The following PUM1 variants were observed in gnomAD, a reference collection of about 807,000 sequenced individuals.
PUM1 encodes the protein pumilio RNA binding family member 1, also known as pumilio homolog 1.
In PUM1, 13 loss-of-function variants were observed where a neutral mutation model predicts 131.8. The ratio of observed to expected loss-of-function variants is 0.10; its 90% CI spans 0.06 to 0.16. The LOEUF is 0.16. Ranked by LOEUF, PUM1 falls within the 10% of genes least tolerant of loss-of-function variation. PUM1 has a pLI of 1.00. For synonymous variants in PUM1, 509 were observed against 556.5 expected, an observed-to-expected ratio of 0.91 and a Z score of 1.20; for missense variants, 961 against 1,512.4, an observed-to-expected ratio of 0.64 and a Z score of 6.05.
chr1:31,061,341 G>A (rs1044931940), intron 1 of PUM1, among the ~76,000 whole-genome samples: 1 of 152,166 alleles, frequency 6.6e-6, no homozygotes, highest in Admixed American at 6.5e-5. Context: ...ATGGAGGTTG[G>A]GCACGGTGGC....
At chr1:30,949,249 A>G in intron 17 of PUM1, 1 of 360,814 alleles carries the variant, frequency 2.8e-6, no homozygotes, top group Non-Finnish European at 5.4e-6. Flanking sequence ...GTGAGTTCAG[A>G]GCCCAAAAGC....
At chr1:30,946,141 T>C (rs1215810415) in intron 17 of PUM1, among the ~76,000 whole-genome samples, 1 of 152,092 alleles carries the variant, frequency 6.6e-6, no homozygotes, top group Non-Finnish European at 1.5e-5. Context: ...CAAAGAAGCC[T>C]ACATCAGGAA....
intron 2 of PUM1, among the ~76,000 whole-genome samples, chr1:31,047,298 A>G (rs1223805331): frequency 6.6e-6 from 1 of 152,218 alleles, no homozygotes; most frequent in East Asian, 1.9e-4. Context: ...CCAGAAGTCA[A>G]AGAAACTGAA....
At chr1:30,956,051 G>C (rs1029576392) in intron 14 of PUM1, among the ~76,000 whole-genome samples, 2 of 152,196 alleles carry the variant, frequency 1.3e-5, no homozygotes, top group Non-Finnish European at 2.9e-5. Context: ...GTCATGGCCA[G>C]AATTCAGAAC....
At chr1:31,002,860 A>G (rs1447378233) in intron 5 of PUM1, among the ~76,000 whole-genome samples, 1 of 152,186 alleles carries the variant, frequency 6.6e-6, no homozygotes, top group Non-Finnish European at 1.5e-5. Flanking sequence ...AAACCACTAA[A>G]CTGAGACCAT....
chr1:30,999,308 T>TA (rs946429619), intron 5 of PUM1, among the ~76,000 whole-genome samples: 7 of 152,110 alleles, frequency 4.6e-5, no homozygotes, highest in South Asian at 2.1e-4. Flanking sequence ...CCCAGTCTTT[T>TA]AAAAAAATAC....
chr1:31,039,892 G>C (rs934013098), intron 2 of PUM1, among the ~76,000 whole-genome samples: 2 of 151,060 alleles, frequency 1.3e-5, no homozygotes, highest in Non-Finnish European at 2.9e-5. Context: ...GGGAGACAGA[G>C]CAAGACTCTA....
At chr1:30,990,007 T>G (rs1030708211) in intron 7 of PUM1, among the ~76,000 whole-genome samples, 4 of 152,224 alleles carry the variant, frequency 2.6e-5, no homozygotes, top group Non-Finnish European at 5.9e-5. Context: ...AAGAAGTAAC[T>G]TTCCTGGATA....
intron 9 of PUM1, among the ~76,000 whole-genome samples, chr1:30,978,522 T>TA (rs1356037541): frequency 1.3e-5 from 2 of 152,208 alleles, no homozygotes; most frequent in East Asian, 3.8e-4. Context: ...AACAATTTTT[T>TA]AAAAAATCTA....
chr1:31,033,721 G>T (rs1238103199), intron 2 of PUM1, among the ~76,000 whole-genome samples: 1 of 151,896 alleles, frequency 6.6e-6, no homozygotes, highest in Non-Finnish European at 1.5e-5. Flanking sequence ...GAATGCAGTG[G>T]CGCAATCACA....
intron 7 of PUM1, among the ~76,000 whole-genome samples, chr1:30,983,633 CTCTG>C (rs1166020243): frequency 6.6e-6 from 1 of 152,136 alleles, no homozygotes; most frequent in Non-Finnish European, 1.5e-5. Flanking sequence ...CGGAGTCTTA[CTCTG>C]TCTGTCACCC....
intron 14 of PUM1, among the ~76,000 whole-genome samples, chr1:30,954,762 C>T (rs949743894): frequency 6.6e-6 from 1 of 151,920 alleles, no homozygotes; most frequent in Non-Finnish European, 1.5e-5. Flanking sequence ...GACCAAAAGG[C>T]GTATCAAAAC....
intron 1 of PUM1, among the ~76,000 whole-genome samples, chr1:31,062,878 T>C (rs915552749): frequency 2.0e-5 from 3 of 152,200 alleles, no homozygotes; most frequent in African/African-American, 7.2e-5. Context: ...GAAGCCAGCC[T>C]AAGAAGACAC....
At chr1:31,024,654 G>T (rs1418314795) in intron 3 of PUM1, among the ~76,000 whole-genome samples, 1 of 152,062 alleles carries the variant, frequency 6.6e-6, no homozygotes, top group Non-Finnish European at 1.5e-5. Flanking sequence ...AAACATTAAA[G>T]AATCTTAAGG....
At chr1:30,933,389 G>A in intron 21 of PUM1, 47 bp from the exon 22 acceptor site, 1 of 1,581,576 alleles carries the variant, frequency 6.3e-7, no homozygotes, top group East Asian at 2.3e-5. Context: ...GATGAGACTT[G>A]GGGGCAGGCT....
chr1:30,984,282 T>C (rs917484526), intron 7 of PUM1, among the ~76,000 whole-genome samples: 5 of 152,226 alleles, frequency 3.3e-5, no homozygotes, highest in Non-Finnish European at 7.3e-5. Context: ...ATTCTCTTTA[T>C]GTAAATGGTG....
chr1:30,937,583 T>G (rs1639263887), intron 20 of PUM1, among the ~76,000 whole-genome samples: 1 of 151,524 alleles, frequency 6.6e-6, no homozygotes, highest in Non-Finnish European at 1.5e-5. Context: ...ATGCCTGGCC[T>G]CAAATAAGTA....
At chr1:31,053,810 G>A (rs1044910569) in intron 2 of PUM1, among the ~76,000 whole-genome samples, 23 of 151,652 alleles carry the variant, frequency 1.5e-4, no homozygotes, top group African/African-American at 4.8e-4. Context: ...AAGTATACAA[G>A]TGGCCCAGGA....
intron 20 of PUM1, 47 bp from the exon 21 acceptor site, chr1:30,936,882 G>A (rs1280613328): frequency 1.7e-6 from 2 of 1,207,050 alleles, no homozygotes; most frequent in Admixed American, 2.4e-5. Flanking sequence ...AGAGGCCCCT[G>A]TTAGTGAGGC....
Sources: gnomAD v4.1 joint callset for allele counts (sites outside exome capture counted in the v4.1 genomes callset) on GRCh38, gnomAD v4.1.1 for gene constraint, MANE v1.5 for transcripts, NCBI Gene and HGNC (gene_info 2026-07-23, HGNC 2026-07-21) for gene names.